GLI3: variants seen among roughly 807,000 people sequenced by gnomAD.
GLI3 encodes transcription activator GLI3.
In GLI3, 20 loss-of-function variants were observed where a neutral mutation model predicts 100.8. That is an observed-to-expected ratio of 0.20 (90% CI 0.14 to 0.29). The LOEUF (loss-of-function observed/expected upper bound fraction) is 0.29, where lower values mean the gene tolerates loss of function less well. Ranked by LOEUF, GLI3 falls within the 10% of genes least tolerant of loss-of-function variation. The pLI, the probability that GLI3 is intolerant of heterozygous loss-of-function variation, is 1.00. For missense variants in GLI3, 2,040 were observed against 2,128.5 expected (o/e 0.96, Z 0.82); for synonymous variants, 938 against 860.5 (o/e 1.09, Z -1.58).
At chr7:42,128,021 A>C (rs1786177822) in intron 3 of GLI3, among the ~76,000 whole-genome samples, 1 of 149,424 alleles carries the variant, frequency 6.7e-6, no homozygotes, top group African/African-American at 2.5e-5. Flanking sequence ...CCTGACTCAA[A>C]AAAAAAAAAA....
At chr7:42,027,508 C>A (rs566393157) in intron 7 of GLI3, among the ~76,000 whole-genome samples, 2 of 152,152 alleles carry the variant, frequency 1.3e-5, no homozygotes, top group Admixed American at 1.3e-4. Flanking sequence ...GGCTATTAAG[C>A]GCATTAAAGG....
chr7:42,163,520 C>T (rs1354659448), intron 2 of GLI3, among the ~76,000 whole-genome samples: 1 of 151,946 alleles, frequency 6.6e-6, no homozygotes, highest in Non-Finnish European at 1.5e-5. Flanking sequence ...CCTCCATCTC[C>T]TGGGTTCAAG....
intron 2 of GLI3, among the ~76,000 whole-genome samples, chr7:42,180,072 G>A (rs1334102288): frequency 6.6e-6 from 1 of 152,050 alleles, no homozygotes; most frequent in African/African-American, 2.4e-5. Flanking sequence ...GGAGAAGAGG[G>A]CCCAGGTCTG....
chr7:42,194,299 G>A (rs945384330), intron 2 of GLI3, among the ~76,000 whole-genome samples: 2 of 152,146 alleles, frequency 1.3e-5, no homozygotes, highest in Non-Finnish European at 2.9e-5. Flanking sequence ...ATTAAGAAAG[G>A]ACAGGGCCAA....
intron 2 of GLI3, among the ~76,000 whole-genome samples, chr7:42,163,272 G>A (rs959163693): frequency 2.0e-5 from 3 of 151,756 alleles, no homozygotes; most frequent in African/African-American, 7.3e-5. Context: ...TCCGGACACT[G>A]CCAAAGAATG....
chr7:42,044,567 C>A (rs1250595152), intron 6 of GLI3, among the ~76,000 whole-genome samples: 1 of 152,104 alleles, frequency 6.6e-6, no homozygotes. Flanking sequence ...TAAAAGTAGT[C>A]CCTTCTGATT....
chr7:42,055,105 G>GTATA (rs1462039964), intron 4 of GLI3, among the ~76,000 whole-genome samples: 2 of 138,622 alleles, frequency 1.4e-5, no homozygotes, highest in Non-Finnish European at 3.1e-5. Flanking sequence ...ACACATATAT[G>GTATA]TATATATACA....
At chr7:42,105,779 C>T (rs1285073146) in intron 3 of GLI3, among the ~76,000 whole-genome samples, 1 of 152,084 alleles carries the variant, frequency 6.6e-6, no homozygotes, top group African/African-American at 2.4e-5. Flanking sequence ...TCTCCATACA[C>T]ATCTGTTGAA....
intron 3 of GLI3, among the ~76,000 whole-genome samples, chr7:42,148,014 G>C (rs1433607421): frequency 6.6e-6 from 1 of 152,132 alleles, no homozygotes; most frequent in African/African-American, 2.4e-5. Context: ...ATGTTGCTTA[G>C]AGACGTAAGA....
intron 2 of GLI3, among the ~76,000 whole-genome samples, chr7:42,211,725 T>A (rs1788277804): frequency 6.6e-6 from 1 of 152,226 alleles, no homozygotes; most frequent in Non-Finnish European, 1.5e-5. Flanking sequence ...CTAGTATTCA[T>A]AACTGCCACG....
intron 1 of GLI3, among the ~76,000 whole-genome samples, chr7:42,254,843 A>C (rs985085365): frequency 1.5e-4 from 23 of 148,976 alleles, no homozygotes; most frequent in South Asian, 2.1e-4. Context: ...TTAAAAAAAA[A>C]GTTGGCTGAT....
intron 10 of GLI3, among the ~76,000 whole-genome samples, chr7:42,022,357 G>T (rs991421302): frequency 1.3e-5 from 2 of 152,058 alleles, no homozygotes; most frequent in South Asian, 4.1e-4. Context: ...TATGAAACGT[G>T]TGGGATGTAA....
chr7:42,132,693 C>G (rs1188332664), intron 3 of GLI3, among the ~76,000 whole-genome samples: 1 of 152,198 alleles, frequency 6.6e-6, no homozygotes, highest in African/African-American at 2.4e-5. Flanking sequence ...TCTTTATAAC[C>G]TCTCAGTGGA....
At chr7:41,989,034 A>C (rs983412456) in intron 10 of GLI3, among the ~76,000 whole-genome samples, 1 of 152,228 alleles carries the variant, frequency 6.6e-6, no homozygotes, top group East Asian at 1.9e-4. Context: ...TCTACAAGTT[A>C]CTGAGCAGAT....
intron 2 of GLI3, among the ~76,000 whole-genome samples, chr7:42,171,463 A>C (rs189566806): frequency 6.6e-6 from 1 of 152,370 alleles, no homozygotes; most frequent in East Asian, 1.9e-4. Flanking sequence ...GAAATGTACT[A>C]AAATGTTAAC....
chr7:42,236,335 T>C (rs1165107354), intron 1 of GLI3, among the ~76,000 whole-genome samples: 1 of 152,138 alleles, frequency 6.6e-6, no homozygotes, highest in African/African-American at 2.4e-5. Context: ...GCGCTGCCCC[T>C]GGAAAGGAAA....
chr7:41,966,023 G>T lies in GLI3; in HGVS notation c.3050C>A (p.Ala1017Asp), dbSNP rs1164784475. The T allele has an allele frequency of 6.3e-7, 1 of 1,595,848 alleles. No individual in the cohort carries two copies. Among genetic ancestry groups the T allele is most frequent in the Non-Finnish European group, 8.5e-7 (1 of 1,177,244 alleles). ...GCTGAAGCGCGGCACACGAGGCAGG[G>T]CCAGGCCCTCGGAGCCTGTCCGCAC... ...DPVRTGSEGL[A>D]LPRVPRFSSL... The change falls in exon 15 of 15, where the codon GCC becomes GAC. Residue 1017 changes from alanine to aspartate, a missense_variant. By Grantham distance (126) the Ala-to-Asp change is moderately radical (BLOSUM62 -2). This residue lies in a region of GLI3 where 1,041 missense variants were observed against 924.0 expected (regional missense o/e 1.13). Transcript: ENST00000395925. The surrounding 1 kb of genome is among the most constrained non-coding windows in gnomAD (Gnocchi z 5.8).
chr7:42,213,140 GA>G, intron 2 of GLI3, among the ~76,000 whole-genome samples: 1 of 152,284 alleles, frequency 6.6e-6, no homozygotes, highest in African/African-American at 2.4e-5. Context: ...TCCCCATTAT[GA>G]TGCGCTTAAA....
At chr7:41,967,120 T>A (rs1173634813) in intron 14 of GLI3, among the ~76,000 whole-genome samples, 1 of 152,226 alleles carries the variant, frequency 6.6e-6, no homozygotes, top group Non-Finnish European at 1.5e-5. Context: ...AACACCTGTG[T>A]TGGTGCAGGC....
Sources: gnomAD v4.1 joint callset for allele counts (sites outside exome capture counted in the v4.1 genomes callset) on GRCh38, gnomAD v4.1.1 for gene constraint, gnomAD v4.1.1 regional missense constraint, Gnocchi (gnomAD v3.1) non-coding constraint, MANE v1.5 for transcripts, NCBI Gene and HGNC (gene_info 2026-07-23, HGNC 2026-07-21) for gene names.